GNB4: variants seen among roughly 807,000 people sequenced by gnomAD.
GNB4 encodes guanine nucleotide-binding protein subunit beta-4.
In GNB4, 28 loss-of-function variants were observed where a neutral mutation model predicts 45.2. The ratio of observed to expected loss-of-function variants is 0.62; its 90% CI spans 0.46 to 0.85. GNB4 has a LOEUF of 0.85. GNB4 is among the 40% of genes least tolerant of loss of function. The pLI is 0.00. For synonymous variants in GNB4, 132 were observed against 143.7 expected, an observed-to-expected ratio of 0.92 and a Z score of 0.58; for missense variants, 321 against 425.4, an observed-to-expected ratio of 0.75 and a Z score of 2.16.
rs774377330 is a variant in GNB4 at position 179,413,552 on chromosome 3, C to T, written c.559G>A (p.Val187Met). Residue 187 changes from valine (V) to methionine (M), a missense_variant, in exon 8 of 10, where the codon GTG (valine) becomes ATG (methionine). Physicochemically the swap from Val to Met is conservative, Grantham distance 21. Transcript: ENST00000232564. ...TTTFTGHSGD[V>M]MSLSLSPDMR... ...TCAGGACTCAAAGAAAGACTCATCA[C>T]ATCTCCAGAATGCCCAGTGAATGTG... is the stretch of plus-strand genomic sequence containing the variant. The T allele has an allele frequency of 1.9e-6, 3 of 1,614,180 alleles. No homozygotes were observed. Among genetic ancestry groups the T allele is most frequent in the Non-Finnish European group, 2.5e-6 (3 of 1,180,030 alleles).
chr3:179,435,513 G>A (rs911375137), intron 1 of GNB4, among the ~76,000 whole-genome samples: 9 of 146,582 alleles, frequency 6.1e-5, no homozygotes, highest in Admixed American at 2.1e-4. Flanking sequence ...CAATGTAATC[G>A]CCAAGCAATT....
chr3:179,495,200 C>A, the GNB4 span, among the ~76,000 whole-genome samples: 1,030 of 152,100 alleles, frequency 6.8e-3, 17 homozygotes, highest in South Asian at 0.056. Flanking sequence ...CCAGTATGGG[C>A]AAGATAGCGA....
At chr3:179,493,971 C>T in the GNB4 span, among the ~76,000 whole-genome samples, 2 of 152,198 alleles carry the variant, frequency 1.3e-5, no homozygotes, top group Non-Finnish European at 2.9e-5. Flanking sequence ...ATGGAGGCCA[C>T]AGGAACAGAA....
the GNB4 span, among the ~76,000 whole-genome samples, chr3:179,523,289 G>T: frequency 6.6e-6 from 1 of 152,164 alleles, no homozygotes; most frequent in African/African-American, 2.4e-5. Context: ...ATGAAGCCTT[G>T]CGGCAGTACA....
At chr3:179,470,866 T>C in the GNB4 span, among the ~76,000 whole-genome samples, 1 of 152,072 alleles carries the variant, frequency 6.6e-6, no homozygotes, top group East Asian at 1.9e-4. Context: ...TAAAAATAAT[T>C]TAAAAGTATA....
At chr3:179,519,258 A>G in the GNB4 span, among the ~76,000 whole-genome samples, 1 of 152,208 alleles carries the variant, frequency 6.6e-6, no homozygotes, top group Non-Finnish European at 1.5e-5. Context: ...CCCGGTAGCC[A>G]CTTCCAGAGC....
At chr3:179,524,223 G>A in the GNB4 span, among the ~76,000 whole-genome samples, 10 of 152,270 alleles carry the variant, frequency 6.6e-5, no homozygotes, top group African/African-American at 2.2e-4. Flanking sequence ...ATCTGGGAAG[G>A]AGTCAGTCAG....
At chr3:179,447,094 G>A (rs1478110664) in intron 1 of GNB4, among the ~76,000 whole-genome samples, 2 of 152,144 alleles carry the variant, frequency 1.3e-5, no homozygotes, top group African/African-American at 2.4e-5. Flanking sequence ...AGAGGTTAGA[G>A]GGTGACGAGG....
chr3:179,527,304 G>A, the GNB4 span, among the ~76,000 whole-genome samples: 1 of 152,196 alleles, frequency 6.6e-6, no homozygotes, highest in Non-Finnish European at 1.5e-5. Context: ...GGTGCTGAGT[G>A]CAGACAGAGT....
At position 179,401,330 on chromosome 3, in the gene GNB4, A is replaced by T. The variant is rs770676446; in HGVS notation, c.917-11T>A. The T allele has an allele frequency of 3.1e-6, 5 of 1,599,006 alleles. No homozygotes were observed. Among genetic ancestry groups the T allele is most frequent in the Non-Finnish European group, 4.3e-6 (5 of 1,170,102 alleles). On this transcript the variant is annotated splice_polypyrimidine_tract_variant and intron_variant, in intron 9 of 9. Transcript: ENST00000232564. Reference sequence around the variant, plus strand: ...GACCAGCAAGGACACCTGAAAAAAAAATTCAGTAAAAAATTGGCAATTGTA... The same window carrying T: ...GACCAGCAAGGACACCTGAAAAAAATATTCAGTAAAAAATTGGCAATTGTA...
the GNB4 span, among the ~76,000 whole-genome samples, chr3:179,501,889 C>G: frequency 6.6e-6 from 1 of 152,156 alleles, no homozygotes; most frequent in African/African-American, 2.4e-5. Context: ...TTATTCCAAG[C>G]ACTATCATCT....
At chr3:179,512,050 A>G in the GNB4 span, among the ~76,000 whole-genome samples, 1 of 152,238 alleles carries the variant, frequency 6.6e-6, no homozygotes, top group Non-Finnish European at 1.5e-5. Context: ...CTAAGTCATC[A>G]TGGCTGATAG....
the GNB4 span, among the ~76,000 whole-genome samples, chr3:179,503,276 T>C: frequency 6.6e-6 from 1 of 152,336 alleles, no homozygotes; most frequent in East Asian, 1.9e-4. Context: ...TGAAACTTAC[T>C]TTGAAGTACA....
the GNB4 span, among the ~76,000 whole-genome samples, chr3:179,519,766 C>T: frequency 6.6e-6 from 1 of 152,264 alleles, no homozygotes; most frequent in Admixed American, 6.5e-5. Flanking sequence ...TAGGACACCT[C>T]TACTCCCTCC....
chr3:179,435,471 A>G lies in GNB4; in HGVS notation c.-42-9229T>C, dbSNP rs1027610153. Among the ~76,000 whole-genome samples, 4 of 42,142 alleles carry G rather than the reference A, an allele frequency of 9.5e-5. No homozygotes were observed. In the East Asian group the frequency reaches 2.1e-3, roughly 22 times the overall value. 27.6% of individuals were successfully genotyped at this position (42,142 alleles called of 152,430 possible). On this transcript the variant is annotated intron_variant, in intron 1 of 9. Coordinates refer to ENST00000232564, the MANE Select transcript of GNB4 (RefSeq NM_021629.4). ...TACACACACCATTCCTTTCTTTTAC[A>G]AAAAAAAAAAAAAAAAAAAATCAGA...
chr3:179,491,932 T>A, the GNB4 span, among the ~76,000 whole-genome samples: 1 of 152,228 alleles, frequency 6.6e-6, no homozygotes, highest in Admixed American at 6.5e-5. Context: ...TTTCCATACC[T>A]GTCTGCCCCA....
At chr3:179,516,887 C>G in the GNB4 span, among the ~76,000 whole-genome samples, 1 of 152,116 alleles carries the variant, frequency 6.6e-6, no homozygotes, top group East Asian at 1.9e-4. Flanking sequence ...AACCATTGCG[C>G]TGAGTGATGG....
the GNB4 span, among the ~76,000 whole-genome samples, chr3:179,456,872 C>G: frequency 6.6e-6 from 1 of 152,246 alleles, no homozygotes; most frequent in Admixed American, 6.5e-5. Flanking sequence ...CTTTGGTTTT[C>G]TTATTGCTGC....
At chr3:179,430,123 T>C (rs1285930861) in intron 1 of GNB4, among the ~76,000 whole-genome samples, 1 of 151,394 alleles carries the variant, frequency 6.6e-6, no homozygotes, top group Non-Finnish European at 1.5e-5. Context: ...GACAAAGGCC[T>C]CACTCTGCTG....
Sources: gnomAD v4.1 joint callset for allele counts (sites outside exome capture counted in the v4.1 genomes callset) on GRCh38, gnomAD v4.1.1 for gene constraint, MANE v1.5 for transcripts, NCBI Gene and HGNC (gene_info 2026-07-23, HGNC 2026-07-21) for gene names.